Variants in RHPN2 observed in about 807,000 individuals in gnomAD.
The protein encoded by RHPN2 is rhophilin-2.
In RHPN2, 40 loss-of-function variants were observed where a neutral mutation model predicts 79.0. The observed-to-expected ratio is 0.51, with a 90% confidence interval of 0.39 to 0.66. RHPN2 has a LOEUF of 0.66. Ranked by LOEUF, RHPN2 falls within the 30% of genes least tolerant of loss-of-function variation. RHPN2 has a pLI of 0.00. For missense variants in RHPN2, 686 were observed against 883.5 expected (o/e 0.78, Z 2.83); for synonymous variants, 285 against 363.5 (o/e 0.78, Z 2.46).
chr19:33,043,876 T>G (rs1015668350), intron 2 of RHPN2, among the ~76,000 whole-genome samples: 2 of 152,074 alleles, frequency 1.3e-5, no homozygotes, highest in African/African-American at 2.4e-5. Context: ...CCTTTATATA[T>G]TCAATAAACA....
Position 32,994,021 on chromosome 19 carries a change from G to T in RHPN2, c.1453C>A (p.Pro485Thr). The T allele has an allele frequency of 1.2e-6, 2 of 1,613,104 alleles. No homozygotes were observed. Among genetic ancestry groups the T allele is most frequent in the Non-Finnish European group, 1.7e-6 (2 of 1,179,166 alleles). Residue 485 changes from proline to threonine, a missense_variant, in exon 12 of 15, where the codon CCC becomes ACC. Transcript: ENST00000254260. ...KTEQEVDIIL[P>T]QFSKLTVTDF... ...GTGACTGTCAGCTTGGAGAACTGGG[G>T]CAATATAATGTCAACCTCTTGCTCA...
chr19:33,061,063 C>T (rs1263902101), intron 1 of RHPN2, among the ~76,000 whole-genome samples: 1 of 152,080 alleles, frequency 6.6e-6, no homozygotes, highest in Non-Finnish European at 1.5e-5. Flanking sequence ...CCACAGTTCC[C>T]AGGTCAAGCA....
intron 2 of RHPN2, among the ~76,000 whole-genome samples, chr19:33,041,501 AT>A (rs1972100086): frequency 6.6e-6 from 1 of 152,148 alleles, no homozygotes; most frequent in African/African-American, 2.4e-5. Flanking sequence ...CACTGTGAGA[AT>A]CATTAACAAC....
At chr19:33,012,834 A>G in intron 4 of RHPN2, 110 bp from the exon 5 acceptor site, 2 of 690,070 alleles carry the variant, frequency 2.9e-6, no homozygotes, top group Non-Finnish European at 5.3e-6. Context: ...GAATAAAGAA[A>G]AACTTATAGT....
chr19:33,003,357 C>CAAAAAAAA (rs56166279), intron 7 of RHPN2, among the ~76,000 whole-genome samples: 1 of 66,616 alleles, frequency 1.5e-5, no homozygotes, highest in Non-Finnish European at 2.6e-5. Flanking sequence ...GACTCTGTCT[C>CAAAAAAAA]AAAAAAAAAA....
chr19:33,058,596 A>G (rs984407564), intron 1 of RHPN2, among the ~76,000 whole-genome samples: 2 of 152,116 alleles, frequency 1.3e-5, no homozygotes, highest in African/African-American at 4.8e-5. Context: ...CCTGGACAAC[A>G]TGGTGAAACC....
At chr19:33,064,762 C>A in intron 1 of RHPN2, 22 bp downstream of exon 1, 1 of 1,405,254 alleles carries the variant, frequency 7.1e-7, no homozygotes, top group South Asian at 1.2e-5. Flanking sequence ...AGGTCCCCGC[C>A]CGCCCGCCCG....
At chr19:33,018,355 G>A (rs1353795957) in intron 4 of RHPN2, among the ~76,000 whole-genome samples, 1 of 151,816 alleles carries the variant, frequency 6.6e-6, no homozygotes, top group Non-Finnish European at 1.5e-5. Context: ...GAGAGAGAGA[G>A]ACAAGGTCTC....
intron 1 of RHPN2, among the ~76,000 whole-genome samples, chr19:33,054,575 A>T (rs1307929087): frequency 1.3e-5 from 2 of 152,028 alleles, no homozygotes; most frequent in East Asian, 3.9e-4. Context: ...GCCCTGAGGG[A>T]CTCACATCAT....
chr19:33,012,857 G>A (rs1971846416), intron 4 of RHPN2, 133 bp from the exon 5 acceptor site: 1 of 650,104 alleles, frequency 1.5e-6, no homozygotes. Flanking sequence ...TTTTCAAAGT[G>A]GGGGAATTTA....
intron 14 of RHPN2, among the ~76,000 whole-genome samples, chr19:32,986,183 G>A (rs71335800): frequency 0.4 from 60,996 of 151,938 alleles, 12,397 homozygotes; most frequent in East Asian, 0.48. Context: ...CAGAACCCTT[G>A]CTTTCAGCTA....
Position 32,978,642 on chromosome 19 carries a change from GAGC to G in RHPN2, c.*1351_*1353del, listed in dbSNP as rs1971549801. On this transcript the variant is annotated 3_prime_UTR_variant, in exon 15 of 15. Coordinates refer to ENST00000254260, the MANE Select transcript of RHPN2 (RefSeq NM_033103.5). ...AATATGTATACAAGCATGGCCCTAG[GAGC>G]AGCAGATACACTTTCCCAAAGGTGG... 1 of 152,584 alleles carries G rather than the reference GAGC, an allele frequency of 6.6e-6. No homozygotes were observed. The allele number at this position is 152,584 out of a possible 1,614,324, so 9.5% of individuals were successfully genotyped here. A position where few individuals can be genotyped will look rare whatever the true frequency, so the allele number is the denominator to read the frequency against.
chr19:33,048,747 T>C, intron 1 of RHPN2, among the ~76,000 whole-genome samples: 1 of 99,690 alleles, frequency 1.0e-5, no homozygotes, highest in Non-Finnish European at 1.9e-5. Flanking sequence ...AAAAAAAAAC[T>C]TTAATGTTAA....
At position 33,006,671 on chromosome 19, in the gene RHPN2, TGCTATG is replaced by T. The variant is rs549294595; in HGVS notation, c.760+1337_760+1342del. ...GTGGAGTCTGACCCAGACACAGCCC[TGCTATG>T]GGGGAGCAAGGCAGAACCCGCAGGC... is the stretch of plus-strand genomic sequence containing the variant. On this transcript the variant is annotated intron_variant, in intron 7 of 14. Transcript: ENST00000254260. 3.3e-5 allele frequency among the ~76,000 whole-genome samples: 5 copies of T among 152,296 alleles called. No individual in the cohort carries two copies. The South Asian group carries it at 1.0e-3, about 32-fold the overall frequency.
At chr19:33,022,406 G>A (rs954460222) in intron 3 of RHPN2, among the ~76,000 whole-genome samples, 27 of 152,062 alleles carry the variant, frequency 1.8e-4, no homozygotes, top group African/African-American at 6.3e-4. Context: ...GGGCCCCACA[G>A]CTGTGGAAGC....
rs111846134 is a variant in RHPN2, at chr19:32,999,110, C to T, written c.1225+476G>A. On this transcript the variant is annotated intron_variant, in intron 10 of 14. Transcript: ENST00000254260. ...GGGGTGGGAGTTGCCATCACTGAGA[C>T]GGAGAAGCTGCGTATGTGTGCATGG... Among the ~76,000 whole-genome samples, 487 of 151,898 alleles carry T rather than the reference C, an allele frequency of 3.2e-3. 6 individuals are homozygous for T. Among genetic ancestry groups the T allele is most frequent in the African/African-American group, 0.011 (444 of 41,408 alleles).
At chr19:33,032,996 G>A (rs918278859) in intron 2 of RHPN2, among the ~76,000 whole-genome samples, 1 of 151,946 alleles carries the variant, frequency 6.6e-6, no homozygotes, top group Non-Finnish European at 1.5e-5. Context: ...ATTCACTCCT[G>A]ATTTAATCTT....
chr19:33,002,134 T>C (rs1971753317), intron 9 of RHPN2, 113 bp downstream of exon 9: 1 of 1,337,938 alleles, frequency 7.5e-7, no homozygotes, highest in Non-Finnish European at 1.0e-6. Flanking sequence ...ATCCTCTGCC[T>C]TCAGCCTGTG....
intron 6 of RHPN2, among the ~76,000 whole-genome samples, chr19:33,010,586 T>C (rs1599816915): frequency 6.6e-6 from 1 of 152,048 alleles, no homozygotes; most frequent in East Asian, 1.9e-4. Flanking sequence ...GGTTTCACCA[T>C]ATTGGACAGG....
Sources: allele counts gnomAD v4.1 joint callset (sites outside exome capture counted in the v4.1 genomes callset), GRCh38; gene constraint gnomAD v4.1.1; transcripts MANE v1.5; gene names NCBI Gene and HGNC (gene_info 2026-07-23, HGNC 2026-07-21).